Variants in NPAS3 observed in about 807,000 individuals in gnomAD.
The protein encoded by NPAS3 is neuronal PAS domain-containing protein 3.
A neutral mutation model predicts 73.1 loss-of-function variants in NPAS3; 14 were observed. The observed-to-expected ratio is 0.19, with a 90% CI of 0.13 to 0.30. NPAS3 has a LOEUF of 0.30. Ranked by LOEUF, NPAS3 falls within the 10% of genes least tolerant of loss-of-function variation. The pLI is 1.00. For synonymous variants in NPAS3, 620 were observed against 541.5 expected (o/e 1.14, Z -2.01); for missense variants, 1,096 against 1,250.0 (o/e 0.88, Z 1.86).
At chr14:33,392,390 C>T (rs1183108813) in intron 4 of NPAS3, among the ~76,000 whole-genome samples, 2 of 152,058 alleles carry the variant, frequency 1.3e-5, no homozygotes, top group East Asian at 3.9e-4. Context: ...AGAAAAAAGT[C>T]TTAAGGTCAC....
At chr14:33,759,236 C>T (rs1461870447) in intron 7 of NPAS3, among the ~76,000 whole-genome samples, 1 of 152,232 alleles carries the variant, frequency 6.6e-6, no homozygotes, top group Non-Finnish European at 1.5e-5. Context: ...AGTCCTCCAG[C>T]AGCTATGGGG....
chr14:33,189,706 T>C (rs1480333391), intron 2 of NPAS3, among the ~76,000 whole-genome samples: 1 of 152,186 alleles, frequency 6.6e-6, no homozygotes, highest in African/African-American at 2.4e-5. Flanking sequence ...CTTTTATACA[T>C]TTAAAAATGT....
At chr14:33,261,290 A>G (rs1215387652) in intron 3 of NPAS3, among the ~76,000 whole-genome samples, 1 of 86,802 alleles carries the variant, frequency 1.2e-5, no homozygotes, top group African/African-American at 3.8e-5. Context: ...TCAGCTCTTT[A>G]AGCTTTTATT....
chr14:33,748,697 C>T (rs2061874783), intron 7 of NPAS3, among the ~76,000 whole-genome samples: 1 of 152,198 alleles, frequency 6.6e-6, no homozygotes, highest in Non-Finnish European at 1.5e-5. Context: ...GCCTCTATTT[C>T]CTTGATGAAA....
intron 3 of NPAS3, among the ~76,000 whole-genome samples, chr14:33,319,543 G>A (rs2043348023): frequency 6.6e-6 from 1 of 152,106 alleles, no homozygotes; most frequent in Non-Finnish European, 1.5e-5. Flanking sequence ...GGACCTATGT[G>A]AGGCACTGTG....
chr14:33,523,106 A>C (rs559880426), intron 4 of NPAS3, among the ~76,000 whole-genome samples: 12 of 152,292 alleles, frequency 7.9e-5, no homozygotes, highest in African/African-American at 2.4e-4. Context: ...GGGGAATTAT[A>C]ATCCAGTAGA....
At chr14:33,729,603 T>G (rs527547747) in intron 6 of NPAS3, among the ~76,000 whole-genome samples, 2 of 152,216 alleles carry the variant, frequency 1.3e-5, no homozygotes, top group East Asian at 3.9e-4. Context: ...AAGTGACTGT[T>G]AGTAGGAAGC....
intron 2 of NPAS3, among the ~76,000 whole-genome samples, chr14:33,143,093 G>C (rs367904562): frequency 6.6e-6 from 1 of 152,046 alleles, no homozygotes; most frequent in Non-Finnish European, 1.5e-5. Flanking sequence ...CAACAAGAGC[G>C]AAACTCCATC....
At chr14:33,296,550 G>T (rs371313086) in intron 3 of NPAS3, among the ~76,000 whole-genome samples, 1 of 152,166 alleles carries the variant, frequency 6.6e-6, no homozygotes, top group Non-Finnish European at 1.5e-5. Flanking sequence ...ACAGATGAGG[G>T]CACCTGGGGT....
chr14:33,257,659 A>T (rs2048827128), intron 3 of NPAS3, among the ~76,000 whole-genome samples: 2 of 152,220 alleles, frequency 1.3e-5, no homozygotes, highest in African/African-American at 4.8e-5. Flanking sequence ...TAAGTTCCTC[A>T]AAACATCTTC....
chr14:33,692,034 G>A (rs562089481), intron 6 of NPAS3, among the ~76,000 whole-genome samples: 44 of 152,260 alleles, frequency 2.9e-4, no homozygotes, highest in African/African-American at 9.6e-4. Context: ...TAGTGAGCCC[G>A]GAGAGGGAAT....
intron 3 of NPAS3, among the ~76,000 whole-genome samples, chr14:33,356,950 G>A (rs1427646171): frequency 6.6e-6 from 1 of 152,116 alleles, no homozygotes; most frequent in Non-Finnish European, 1.5e-5. Context: ...ATATGTTCTC[G>A]ATTCTAGGTC....
chr14:33,360,538 C>T (rs373641998), intron 3 of NPAS3, among the ~76,000 whole-genome samples: 19 of 152,200 alleles, frequency 1.2e-4, no homozygotes, highest in African/African-American at 4.6e-4. Flanking sequence ...GCTTTACATC[C>T]AAAAGCAATC....
In NPAS3 at chr14:33,676,405, T is replaced by C. The variant is rs376859751; in HGVS notation, c.733+20T>C. The C allele has an allele frequency of 1.4e-3, 2,138 of 1,538,990 alleles. 2 individuals carry two copies. The highest frequency in any genetic ancestry group is 1.7e-3 in the Non-Finnish European group (2,010 of 1,149,104). ...AGCCAGGTGGGAATTGCAAACCCAGTGTGTGGGTTGGTGGGCAGGACCTTT... is the reference window on the plus strand; with the variant it reads ...AGCCAGGTGGGAATTGCAAACCCAGCGTGTGGGTTGGTGGGCAGGACCTTT... On this transcript the variant is annotated intron_variant, in intron 6 of 11. Coordinates refer to ENST00000356141, the Ensembl canonical transcript of NPAS3.
At chr14:33,759,869 G>T (rs1258590279) in intron 7 of NPAS3, among the ~76,000 whole-genome samples, 1 of 152,120 alleles carries the variant, frequency 6.6e-6, no homozygotes, top group Non-Finnish European at 1.5e-5. Flanking sequence ...TTTGCCAAGG[G>T]CATTTAGCAT....
chr14:33,738,097 C>T (rs2061568507), intron 7 of NPAS3, among the ~76,000 whole-genome samples: 1 of 152,178 alleles, frequency 6.6e-6, no homozygotes, highest in Admixed American at 6.5e-5. Flanking sequence ...CCACATGCTT[C>T]ACAGTTATTT....
At chr14:33,436,473 T>C (rs1007528494) in intron 4 of NPAS3, among the ~76,000 whole-genome samples, 3 of 152,212 alleles carry the variant, frequency 2.0e-5, no homozygotes. Flanking sequence ...GTGTGCTAGA[T>C]AGCGGAAACA....
intron 6 of NPAS3, among the ~76,000 whole-genome samples, chr14:33,721,074 T>A (rs2061095422): frequency 6.6e-6 from 1 of 152,238 alleles, no homozygotes; most frequent in African/African-American, 2.4e-5. Flanking sequence ...GTTATTTTTA[T>A]ATTTTTGAAC....
chr14:33,228,534 T>C (rs961456246), intron 3 of NPAS3, among the ~76,000 whole-genome samples: 3 of 152,232 alleles, frequency 2.0e-5, no homozygotes, highest in African/African-American at 7.2e-5. Context: ...TAGTAGGTTT[T>C]AAGATATCAA....
Sources: allele counts gnomAD v4.1 joint callset (sites outside exome capture counted in the v4.1 genomes callset), GRCh38; gene constraint gnomAD v4.1.1; transcripts MANE v1.5; gene names NCBI Gene and HGNC (gene_info 2026-07-23, HGNC 2026-07-21).